Variants in CNTNAP4 observed in about 807,000 individuals in gnomAD.
CNTNAP4 encodes contactin associated protein family member 4.
Under a neutral mutation model 148.4 loss-of-function variants are expected in CNTNAP4, and 98 were observed. That is an observed-to-expected ratio of 0.66 (90% CI 0.56 to 0.78). CNTNAP4 has a LOEUF of 0.78. CNTNAP4 is among the 30% of genes least tolerant of loss of function. The pLI, the probability that CNTNAP4 is intolerant of heterozygous loss-of-function variation, is 0.00. For synonymous variants in CNTNAP4, 730 were observed against 565.1 expected (o/e 1.29, Z -4.14); for missense variants, 1,935 against 1,565.6 (o/e 1.24, Z -3.98).
At chr16:76,454,059 G>A (rs1007434520) in intron 8 of CNTNAP4, among the ~76,000 whole-genome samples, 1 of 150,690 alleles carries the variant, frequency 6.6e-6, no homozygotes, top group Non-Finnish European at 1.5e-5. Context: ...TAAAGAAACC[G>A]CTTCAGTGCA....
intron 1 of CNTNAP4, among the ~76,000 whole-genome samples, chr16:76,300,689 G>C (rs1959866538): frequency 1.3e-5 from 2 of 152,110 alleles, no homozygotes; most frequent in South Asian, 4.1e-4. Context: ...TTGTAGTAAA[G>C]ATTTAACGTG....
intron 3 of CNTNAP4, among the ~76,000 whole-genome samples, chr16:76,409,089 T>C (rs1238890131): frequency 1.3e-5 from 2 of 152,154 alleles, no homozygotes; most frequent in East Asian, 3.9e-4. Flanking sequence ...AAGGAAAATT[T>C]GAATGTATGG....
chr16:76,396,224 A>G (rs1323107988), intron 3 of CNTNAP4, among the ~76,000 whole-genome samples: 1 of 152,196 alleles, frequency 6.6e-6, no homozygotes, highest in African/African-American at 2.4e-5. Context: ...CTTCACTTGA[A>G]TTGTGCATAT....
At chr16:76,451,210 C>T (rs2080460274) in intron 7 of CNTNAP4, among the ~76,000 whole-genome samples, 1 of 152,168 alleles carries the variant, frequency 6.6e-6, no homozygotes, top group Non-Finnish European at 1.5e-5. Context: ...GAAAAACAAC[C>T]TTAGGGGCAA....
intron 14 of CNTNAP4, among the ~76,000 whole-genome samples, chr16:76,495,615 C>G (rs1416502049): frequency 4.7e-5 from 3 of 63,324 alleles, no homozygotes; most frequent in Non-Finnish European, 1.5e-4. Flanking sequence ...AGAGAAGAAT[C>G]TTATGCATGT....
intron 2 of CNTNAP4, among the ~76,000 whole-genome samples, chr16:76,323,992 T>G (rs1962703449): frequency 6.6e-6 from 1 of 152,224 alleles, no homozygotes; most frequent in Non-Finnish European, 1.5e-5. Context: ...GTACTCTTCT[T>G]ATGTGTAATA....
intron 1 of CNTNAP4, among the ~76,000 whole-genome samples, chr16:76,310,671 T>C (rs567286448): frequency 5.6e-4 from 85 of 152,368 alleles, no homozygotes; most frequent in Admixed American, 1.8e-3. Flanking sequence ...TGTTCTGTAA[T>C]GGATATTTTT....
At chr16:76,427,811 G>C (rs1201752653) in intron 4 of CNTNAP4, among the ~76,000 whole-genome samples, 1 of 152,174 alleles carries the variant, frequency 6.6e-6, no homozygotes. Context: ...GGAAGCACTT[G>C]ATAGATGGAT....
intron 2 of CNTNAP4, among the ~76,000 whole-genome samples, chr16:76,341,884 A>G (rs1964497358): frequency 6.6e-6 from 1 of 152,190 alleles, no homozygotes; most frequent in South Asian, 2.1e-4. Context: ...TGGTCAGGGA[A>G]GTTTAGAAAA....
Position 76,461,996 on chromosome 16 carries a change from A to G in CNTNAP4, c.1374A>G (p.Leu458=), listed in dbSNP as rs762023794. The G allele has an allele frequency of 1.9e-5, 30 of 1,613,678 alleles. No homozygotes were observed. Among genetic ancestry groups the G allele is most frequent in the East Asian group, 2.2e-5 (1 of 44,888 alleles). The change falls in exon 9 of 24, where the codon TTA becomes TTG. Residue 458 remains leucine (L), a synonymous_variant. Coordinates refer to ENST00000611870, the MANE Select transcript of CNTNAP4 (RefSeq NM_033401.5). ...ATGGGCAGTGGCATTCTGTCTCTTTATCTGCTAAAAAGAATCACTTGAGTG... is the reference window on the plus strand; with the variant it reads ...ATGGGCAGTGGCATTCTGTCTCTTTGTCTGCTAAAAAGAATCACTTGAGTG... ...LNDGQWHSVS[L]SAKKNHLSVA...
Position 76,538,120 on chromosome 16 carries a change from T to C in CNTNAP4, c.3000T>C (p.Ile1000=). The change falls in exon 19 of 24, where the codon ATT becomes ATC. Residue 1000 remains isoleucine, a synonymous_variant. Transcript: ENST00000611870. ...TATATATATATATTATTTCAGAGAT[T>C]TCTGCATATTTTGGATCTGGCTCAT... ...AYTGPFCSNE[I]SAYFGSGSSV... 1 of 1,389,938 alleles carries C rather than the reference T, an allele frequency of 7.2e-7. No homozygotes were observed. The allele number at this position is 1,389,938 out of a possible 1,614,324, so 86.1% of individuals were successfully genotyped here.
chr16:76,436,989 C>CTATCTATCTATCTATCTATCTATT lies in CNTNAP4; in HGVS notation c.538+9396_538+9397insTCTATCTATCTATCTATTTATCTA, dbSNP rs144797032. Among the ~76,000 whole-genome samples, 174 of 151,410 alleles carry CTATCTATCTATCTATCTATCTATT rather than the reference C, an allele frequency of 1.1e-3. 1 individual carries two copies. Among genetic ancestry groups the CTATCTATCTATCTATCTATCTATT allele is most frequent in the East Asian group, 0.011 (55 of 5,108 alleles). On this transcript the variant is annotated intron_variant, in intron 4 of 23. Transcript: ENST00000611870. The stretch of plus-strand genomic sequence containing the variant: ...TCTATCTATCTATCTATCTATCTGT[C>CTATCTATCTATCTATCTATCTATT]TATCTAGGAGTTTATTAAGGAGTAT...
intron 2 of CNTNAP4, among the ~76,000 whole-genome samples, chr16:76,330,712 G>T (rs1027156348): frequency 2.0e-5 from 3 of 152,126 alleles, no homozygotes; most frequent in African/African-American, 7.2e-5. Context: ...TATTAGATTT[G>T]CTCTTTTGCT....
At chr16:76,535,252 C>T (rs2084165006) in intron 17 of CNTNAP4, among the ~76,000 whole-genome samples, 1 of 152,124 alleles carries the variant, frequency 6.6e-6, no homozygotes, top group African/African-American at 2.4e-5. Context: ...AATAACGATA[C>T]ATGTCACTGT....
chr16:76,470,368 C>T (rs1169258961), intron 10 of CNTNAP4, among the ~76,000 whole-genome samples: 2 of 151,050 alleles, frequency 1.3e-5, no homozygotes, highest in African/African-American at 2.5e-5. Context: ...CAGCCAGACA[C>T]GGTGACTCAC....
At chr16:76,319,431 A>C (rs957212732) in intron 2 of CNTNAP4, among the ~76,000 whole-genome samples, 1 of 152,044 alleles carries the variant, frequency 6.6e-6, no homozygotes, top group South Asian at 2.1e-4. Flanking sequence ...TTACCATTAA[A>C]CATACTTTCC....
At chr16:76,382,252 A>G (rs1272205096) in intron 3 of CNTNAP4, among the ~76,000 whole-genome samples, 1 of 152,086 alleles carries the variant, frequency 6.6e-6, no homozygotes, top group Non-Finnish European at 1.5e-5. Flanking sequence ...AAAAAGCAAA[A>G]GTAAAATGGA....
chr16:76,488,888 G>A (rs1165422105), intron 12 of CNTNAP4, among the ~76,000 whole-genome samples: 2 of 152,166 alleles, frequency 1.3e-5, no homozygotes, highest in African/African-American at 4.8e-5. Context: ...TGATGGAAAT[G>A]TTTACAGACA....
At position 76,400,405 on chromosome 16, in the gene CNTNAP4, T is replaced by C. The variant is rs370560703; in HGVS notation, c.391-27047T>C. ...ATTATTTGTCAATTAAAAATAAAAA[T>C]TCTTGTAAATTTAAATTCCTTACAG... On this transcript the variant is annotated intron_variant, in intron 3 of 23. Coordinates refer to ENST00000611870, the MANE Select transcript of CNTNAP4 (RefSeq NM_033401.5). Among the ~76,000 whole-genome samples the C allele has an allele frequency of 2.6e-4, 39 of 152,274 alleles. No individual in the cohort carries two copies. The East Asian group carries it at 4.2e-3, about 17-fold the overall frequency.
Sources: gnomAD v4.1 joint callset for allele counts (sites outside exome capture counted in the v4.1 genomes callset) on GRCh38, gnomAD v4.1.1 for gene constraint, MANE v1.5 for transcripts, NCBI Gene and HGNC (gene_info 2026-07-23, HGNC 2026-07-21) for gene names.